The following ZNF821 variants were observed in gnomAD, a reference collection of about 807,000 sequenced individuals.
The protein encoded by ZNF821 is zinc finger protein 821.
ZNF821 carries 16 observed loss-of-function variants against 44.3 expected under a neutral mutation model. That is an observed-to-expected ratio of 0.36 (90% CI 0.24 to 0.55). The LOEUF is 0.55. Among genes scored for constraint, ZNF821 ranks in the 20% least tolerant of loss-of-function variants. ZNF821 has a pLI of 0.86. For missense variants in ZNF821, 436 were observed against 547.6 expected, an observed-to-expected ratio of 0.80 and a Z score of 2.03; for synonymous variants, 204 against 197.6, an observed-to-expected ratio of 1.03 and a Z score of -0.27.
intron 1 of ZNF821, 49 bp from the exon 2 acceptor site, chr16:71,883,322 G>C: frequency 2.4e-6 from 1 of 414,922 alleles, no homozygotes; most frequent in Non-Finnish European, 4.8e-6. Flanking sequence ...CCGCCTGGCT[G>C]TTCACCTGAC....
intron 2 of ZNF821, 117 bp downstream of exon 2, chr16:71,883,094 A>G (rs777617216): frequency 1.3e-5 from 6 of 456,250 alleles, no homozygotes; most frequent in African/African-American, 4.0e-5. Context: ...TCTCCCCTGA[A>G]CACTGTCTCT....
chr16:71,862,170 T>C (rs1242481785), intron 6 of ZNF821, among the ~76,000 whole-genome samples: 1 of 152,150 alleles, frequency 6.6e-6, no homozygotes, highest in Non-Finnish European at 1.5e-5. Flanking sequence ...TTCTGGGACA[T>C]GTGGCTGACT....
At chr16:71,876,463 C>G (rs2035828754) in intron 3 of ZNF821, among the ~76,000 whole-genome samples, 1 of 152,200 alleles carries the variant, frequency 6.6e-6, no homozygotes, top group South Asian at 2.1e-4. Flanking sequence ...CCTCGGCCTC[C>G]CAAAGTGCTG....
intron 3 of ZNF821, among the ~76,000 whole-genome samples, chr16:71,875,693 A>G (rs975224845): frequency 6.6e-6 from 1 of 151,480 alleles, no homozygotes; most frequent in Admixed American, 6.6e-5. Flanking sequence ...CGATCTCCTG[A>G]CCTCGTGATC....
chr16:71,881,507 C>G (rs2036420144), intron 2 of ZNF821: 1 of 152,116 alleles, frequency 6.6e-6, no homozygotes, highest in South Asian at 2.1e-4. Flanking sequence ...ATTTAGAGGG[C>G]AATATACTGA....
Position 71,891,122 on chromosome 16 carries a change from G to A in ZNF821, n.448+3767C>T, listed in dbSNP as rs187905346. On this transcript the variant is annotated intron_variant and non_coding_transcript_variant, in intron 1 of 2. Coordinates refer to the ZNF821 transcript ENST00000561700. The stretch of plus-strand genomic sequence containing the variant: ...ACAATATAAAAATCATTCTTAGCTG[G>A]AGAGGCTGTACACAAAACAGGTTGG... 2.2e-3 allele frequency among the ~76,000 whole-genome samples: 339 copies of A among 152,258 alleles called. 1 individual carries two copies. Among genetic ancestry groups the A allele is most frequent in the Non-Finnish European group, 3.6e-3 (245 of 68,020 alleles).
At chr16:71,875,760 C>A (rs867021147) in intron 3 of ZNF821, among the ~76,000 whole-genome samples, 1 of 152,058 alleles carries the variant, frequency 6.6e-6, no homozygotes, top group African/African-American at 2.4e-5. Context: ...CCACGCCTGG[C>A]GCTAATTTTT....
intron 2 of ZNF821, 132 bp from the exon 3 acceptor site, chr16:71,880,155 G>C (rs991495662): frequency 2.0e-5 from 9 of 441,136 alleles, no homozygotes; most frequent in South Asian, 1.6e-4. Flanking sequence ...TTGAACTAAT[G>C]AAAGAAAGAA....
At chr16:71,886,951 C>G (rs1186719457), upstream of ZNF821, among the ~76,000 whole-genome samples, 3 of 152,196 alleles carry the variant, frequency 2.0e-5, no homozygotes, top group African/African-American at 7.2e-5. Flanking sequence ...GCTTTTGTCA[C>G]TTAATCTGGC....
At chr16:71,885,108 G>T (rs10468278), upstream of ZNF821, 11,459 of 152,426 alleles carry the variant, frequency 0.075, 1,406 homozygotes, top group African/African-American at 0.26. Flanking sequence ...CTCCCGCCTC[G>T]GCCTCTCAAA....
Position 71,879,940 on chromosome 16 carries a change from G to A in ZNF821, c.7C>T (p.Arg3Cys). 6.2e-7 allele frequency: 1 copy of A among 1,613,134 alleles called. No individual in the cohort carries two copies. Among genetic ancestry groups the A allele is most frequent in the Non-Finnish European group, 8.5e-7 (1 of 1,179,634 alleles). The change falls in exon 3 of 8, where the codon CGT becomes TGT. Residue 3 changes from arginine (R) to cysteine (C), a missense_variant. Coordinates refer to ENST00000425432, the MANE Select transcript of ZNF821 (RefSeq NM_001201552.2). MS[R>C]RKQTNPNKVH... ...TTATTTGGATTTGTCTGTTTCCGAC[G>A]GGACATGTTTCCCTGATGCAAGAGC...
chr16:71,872,092 A>C (rs1256957134), intron 3 of ZNF821, among the ~76,000 whole-genome samples: 1 of 151,868 alleles, frequency 6.6e-6, no homozygotes, highest in East Asian at 1.9e-4. Flanking sequence ...TGGCCTCCCA[A>C]AGTGGTGGGA....
chr16:71,879,896 C>A lies in ZNF821; in HGVS notation c.40+11G>T, dbSNP rs1238588379. The A allele has an allele frequency of 1.5e-5, 24 of 1,612,872 alleles. No individual in the cohort carries two copies. Among genetic ancestry groups the A allele is most frequent in the Non-Finnish European group, 2.0e-5 (24 of 1,179,504 alleles). On this transcript the variant is annotated intron_variant, in intron 3 of 7. Coordinates refer to ENST00000425432, the MANE Select transcript of ZNF821 (RefSeq NM_001201552.2). ...ATTCCCAGGTTCCAGAAGACAAAGC[C>A]CGATACTCACAGTGAACTTTATTTG...
rs570591780 is a variant in ZNF821, at chr16:71,873,781, A to C, written c.41-5744T>G. On this transcript the variant is annotated intron_variant, in intron 3 of 7. Coordinates refer to ENST00000425432, the MANE Select transcript of ZNF821 (RefSeq NM_001201552.2). ...CAATCCTCTCACCTCAACCTCCTAA[A>C]GTATTGGGATTACAGGCATGAGCAC... Among the ~76,000 whole-genome samples the C allele has an allele frequency of 5.9e-5, 9 of 151,736 alleles. No homozygotes were observed. In the South Asian group the frequency reaches 1.7e-3, roughly 28 times the overall value.
At chr16:71,872,540 G>T (rs1337794551) in intron 3 of ZNF821, among the ~76,000 whole-genome samples, 2 of 152,126 alleles carry the variant, frequency 1.3e-5, no homozygotes, top group East Asian at 3.9e-4. Flanking sequence ...GTGAACTCAG[G>T]AGGTGGAGCT....
intron 3 of ZNF821, among the ~76,000 whole-genome samples, chr16:71,869,259 G>A (rs904372728): frequency 1.3e-5 from 2 of 152,184 alleles, no homozygotes; most frequent in Admixed American, 1.3e-4. Context: ...GCTGAAGATA[G>A]AAAGGAAAGT....
At chr16:71,892,571 A>ATTT (rs986384229) in intron 1 of ZNF821, among the ~76,000 whole-genome samples, 1 of 122,480 alleles carries the variant, frequency 8.2e-6, no homozygotes. Flanking sequence ...CCCGGCCAAA[A>ATTT]TTTTTTTTTT....
At chr16:71,870,592 G>A (rs2035080446) in intron 3 of ZNF821, among the ~76,000 whole-genome samples, 1 of 150,618 alleles carries the variant, frequency 6.6e-6, no homozygotes, top group African/African-American at 2.4e-5. Flanking sequence ...AGATTCTCCT[G>A]CCTTAGCCTC....
upstream of ZNF821, among the ~76,000 whole-genome samples, chr16:71,887,283 C>T (rs112010590): frequency 2.8e-5 from 4 of 142,894 alleles, no homozygotes; most frequent in South Asian, 2.2e-4. Flanking sequence ...TTTTTGAGAC[C>T]GAGTCTTGCT....
Sources: allele counts gnomAD v4.1 joint callset (sites outside exome capture counted in the v4.1 genomes callset), GRCh38; gene constraint gnomAD v4.1.1; transcripts MANE v1.5; gene names NCBI Gene and HGNC (gene_info 2026-07-23, HGNC 2026-07-21).